Variants in PDE1A observed in about 807,000 individuals in gnomAD.
The protein encoded by PDE1A is phosphodiesterase 1A.
A neutral mutation model predicts 61.7 loss-of-function variants in PDE1A; 35 were observed. That is an observed-to-expected ratio of 0.57 (90% CI 0.43 to 0.75). PDE1A has a LOEUF of 0.75. Ranked by LOEUF, PDE1A falls within the 30% of genes least tolerant of loss-of-function variation. The pLI is 0.00. For missense variants in PDE1A, 597 were observed against 630.6 expected (o/e 0.95, Z 0.57); for synonymous variants, 232 against 213.2 (o/e 1.09, Z -0.77).
intron 1 of PDE1A, among the ~76,000 whole-genome samples, chr2:182,366,656 G>T (rs1237350271): frequency 1.3e-5 from 2 of 152,024 alleles, no homozygotes; most frequent in African/African-American, 4.8e-5. Context: ...AGCATGAGAA[G>T]CCAGACTGTT....
intron 2 of PDE1A, among the ~76,000 whole-genome samples, chr2:182,436,453 T>C (rs1684416984): frequency 1.3e-5 from 2 of 151,980 alleles, no homozygotes; most frequent in South Asian, 2.1e-4. Flanking sequence ...ACTGGACATA[T>C]TATTTATTGC....
At chr2:182,585,785 G>C in the PDE1A span, among the ~76,000 whole-genome samples, 3 of 152,160 alleles carry the variant, frequency 2.0e-5, no homozygotes, top group East Asian at 3.8e-4. Context: ...TTAGTAATCA[G>C]AATAATAGAT....
At chr2:182,529,777 T>A in the PDE1A span, among the ~76,000 whole-genome samples, 1 of 152,232 alleles carries the variant, frequency 6.6e-6, no homozygotes, top group South Asian at 2.1e-4. Context: ...GATGGTTTTA[T>A]AAGCCTTTCA....
intron 2 of PDE1A, among the ~76,000 whole-genome samples, chr2:182,464,959 TAATTGA>T (rs1686556671): frequency 6.6e-6 from 1 of 152,168 alleles, no homozygotes; most frequent in Admixed American, 6.5e-5. Flanking sequence ...AATGAATATT[TAATTGA>T]AGAGTGAGAC....
intron 1 of PDE1A, among the ~76,000 whole-genome samples, chr2:182,343,607 T>C (rs1698334214): frequency 6.6e-6 from 1 of 152,224 alleles, no homozygotes. Flanking sequence ...TAGCATTTTA[T>C]ACAGGTCTAT....
the PDE1A span, among the ~76,000 whole-genome samples, chr2:182,607,993 C>T: frequency 6.6e-6 from 1 of 152,204 alleles, no homozygotes; most frequent in Admixed American, 6.5e-5. Flanking sequence ...AGTCACTCAG[C>T]ATGGGCTGAG....
the PDE1A span, among the ~76,000 whole-genome samples, chr2:182,710,360 G>C: frequency 1.8e-4 from 27 of 152,196 alleles, no homozygotes; most frequent in Non-Finnish European, 1.5e-5. Context: ...GTGCATGTGT[G>C]CATGGTGAGG....
intron 1 of PDE1A, among the ~76,000 whole-genome samples, chr2:182,307,129 T>C (rs976656375): frequency 1.3e-5 from 2 of 152,120 alleles, no homozygotes; most frequent in African/African-American, 4.8e-5. Context: ...GATTAAAACA[T>C]GGGCAAGGGG....
chr2:182,574,168 G>A, the PDE1A span, among the ~76,000 whole-genome samples: 1 of 151,870 alleles, frequency 6.6e-6, no homozygotes, highest in African/African-American at 2.4e-5. Context: ...GGGAGGCTAG[G>A]CCAGTCTCTC....
chr2:182,619,528 A>T, the PDE1A span, among the ~76,000 whole-genome samples: 1 of 152,170 alleles, frequency 6.6e-6, no homozygotes, highest in African/African-American at 2.4e-5. Context: ...GTGAGTGCCT[A>T]CATGGAAATA....
intron 2 of PDE1A, among the ~76,000 whole-genome samples, chr2:182,486,896 A>C (rs1688058327): frequency 6.6e-6 from 1 of 152,178 alleles, no homozygotes; most frequent in South Asian, 2.1e-4. Context: ...CTAAAAGCAT[A>C]ATCCATAAGG....
intron 2 of PDE1A, among the ~76,000 whole-genome samples, chr2:182,252,884 A>G (rs1436795616): frequency 1.3e-5 from 2 of 152,222 alleles, no homozygotes; most frequent in Non-Finnish European, 2.9e-5. Flanking sequence ...AGAGATGGAG[A>G]GTAGACAGAA....
chr2:182,241,492 A>T (rs1399686018), intron 2 of PDE1A, among the ~76,000 whole-genome samples: 2 of 152,214 alleles, frequency 1.3e-5, no homozygotes, highest in Non-Finnish European at 2.9e-5. Flanking sequence ...GCAGGGACAA[A>T]ACAAAGGACA....
At chr2:182,367,696 C>T (rs941227714) in intron 1 of PDE1A, among the ~76,000 whole-genome samples, 8 of 151,972 alleles carry the variant, frequency 5.3e-5, no homozygotes, top group Admixed American at 1.3e-4. Context: ...TTAAAAATCC[C>T]ATTAGTACCT....
chr2:182,160,288 G>C (rs139517942), intron 13 of PDE1A, among the ~76,000 whole-genome samples: 1 of 152,248 alleles, frequency 6.6e-6, no homozygotes, highest in Non-Finnish European at 1.5e-5. Context: ...TGACTGGATT[G>C]AGGGCTGGTG....
chr2:182,219,792 A>ACAC (rs903330936), intron 7 of PDE1A, among the ~76,000 whole-genome samples: 2 of 152,092 alleles, frequency 1.3e-5, no homozygotes, highest in Non-Finnish European at 2.9e-5. Flanking sequence ...CACTAAAACA[A>ACAC]CACCACCACC....
Position 182,300,334 on chromosome 2 carries a change from T to C in PDE1A, c.54-35920A>G, listed in dbSNP as rs375460987. Among the ~76,000 whole-genome samples the C allele has an allele frequency of 2.6e-5, 4 of 152,304 alleles. No individual in the cohort carries two copies. In the East Asian group the frequency reaches 7.7e-4, roughly 29 times the overall value. The stretch of plus-strand genomic sequence containing the variant: ...TTCATACCTATGGCTTCATGGGAAG[T>C]TCCATATAACTGGCTGATGGAGCTA... On this transcript the variant is annotated intron_variant, in intron 1 of 13. Coordinates refer to ENST00000351439, the Ensembl canonical transcript of PDE1A.
intron 3 of PDE1A, among the ~76,000 whole-genome samples, chr2:182,235,983 T>G (rs1334461887): frequency 2.6e-5 from 4 of 152,226 alleles, no homozygotes; most frequent in Non-Finnish European, 5.9e-5. Flanking sequence ...TGTTTTCCTT[T>G]TAAGTCTTGA....
At chr2:182,520,264 A>G (rs1397628315) in intron 2 of PDE1A, among the ~76,000 whole-genome samples, 1 of 151,906 alleles carries the variant, frequency 6.6e-6, no homozygotes, top group Non-Finnish European at 1.5e-5. Context: ...CGCTTTGACA[A>G]TTCTAAGCCT....
Sources: allele counts gnomAD v4.1 joint callset (sites outside exome capture counted in the v4.1 genomes callset), GRCh38; gene constraint gnomAD v4.1.1; transcripts MANE v1.5; gene names NCBI Gene and HGNC (gene_info 2026-07-23, HGNC 2026-07-21).